Variants in HCN1 observed in about 807,000 individuals in gnomAD.
The protein encoded by HCN1 is potassium/sodium hyperpolarization-activated cyclic nucleotide-gated channel 1.
HCN1 carries 13 observed loss-of-function variants against 78.9 expected under a neutral mutation model. The ratio of observed to expected loss-of-function variants is 0.16; its 90% confidence interval spans 0.11 to 0.26. HCN1 has a LOEUF of 0.26. HCN1 is among the 10% of genes least tolerant of loss of function. The probability of loss-of-function intolerance (pLI) is 1.00; values close to 1 mark genes in which losing one functional copy is unlikely to be tolerated. For synonymous variants in HCN1, 552 were observed against 455.5 expected (o/e 1.21, Z -2.70); for missense variants, 810 against 1,154.3 (o/e 0.70, Z 4.32).
In HCN1 at chr5:45,258,581, C is replaced by G. The variant is rs1020430800; in HGVS notation, c.*3340G>C. 2.0e-5 allele frequency: 3 copies of G among 152,000 alleles called. No homozygotes were observed. Among genetic ancestry groups the G allele is most frequent in the African/African-American group, 7.2e-5 (3 of 41,418 alleles). The allele number at this position is 152,000 out of a possible 1,614,324, so 9.4% of individuals were successfully genotyped here. Reference sequence around the variant, plus strand: ...TCATTATGATAAACTCTATCTCAGGCTTTTAGGTATCATTTAAAACCCACT... The same window carrying G: ...TCATTATGATAAACTCTATCTCAGGGTTTTAGGTATCATTTAAAACCCACT... On this transcript the variant is annotated 3_prime_UTR_variant, in exon 8 of 8. Transcript: ENST00000303230.
intron 5 of HCN1, among the ~76,000 whole-genome samples, chr5:45,333,640 T>C (rs868860404): frequency 5.8e-4 from 88 of 151,934 alleles, no homozygotes; most frequent in Middle Eastern, 3.4e-3. Flanking sequence ...AAGCCTATAA[T>C]ACATTTTGAT....
intron 5 of HCN1, among the ~76,000 whole-genome samples, chr5:45,352,563 G>T (rs1746930935): frequency 6.6e-6 from 1 of 151,818 alleles, no homozygotes; most frequent in Non-Finnish European, 1.5e-5. Context: ...ATAACCAAGA[G>T]CAAGTTATTT....
chr5:45,314,787 T>G (rs1453411585), intron 5 of HCN1, among the ~76,000 whole-genome samples: 1 of 152,068 alleles, frequency 6.6e-6, no homozygotes, highest in East Asian at 1.9e-4. Context: ...AAACAGACTT[T>G]AAACCAACAA....
At chr5:45,456,951 C>T (rs1466081672) in intron 3 of HCN1, among the ~76,000 whole-genome samples, 1 of 152,002 alleles carries the variant, frequency 6.6e-6, no homozygotes, top group Non-Finnish European at 1.5e-5. Flanking sequence ...CATGACACAA[C>T]CTGCTCCAAC....
At chr5:45,330,550 C>T (rs530682398) in intron 5 of HCN1, among the ~76,000 whole-genome samples, 3 of 150,238 alleles carry the variant, frequency 2.0e-5, no homozygotes, top group African/African-American at 7.3e-5. Flanking sequence ...AATCATCTTG[C>T]CATTCCTAGA....
chr5:45,467,867 C>G (rs1004136096), intron 2 of HCN1, among the ~76,000 whole-genome samples: 1 of 152,118 alleles, frequency 6.6e-6, no homozygotes, highest in Non-Finnish European at 1.5e-5. Context: ...ATCTTCACTT[C>G]CTAGGTATTT....
intron 1 of HCN1, among the ~76,000 whole-genome samples, chr5:45,686,123 AT>A (rs386358074): frequency 3.3e-5 from 5 of 150,806 alleles, no homozygotes; most frequent in East Asian, 1.9e-4. Flanking sequence ...ATATATATAT[AT>A]TTTTTTCTAT....
At chr5:45,668,936 A>G (rs1534391) in intron 1 of HCN1, among the ~76,000 whole-genome samples, 14,331 of 151,828 alleles carry the variant, frequency 0.094, 901 homozygotes, top group East Asian at 0.27. Flanking sequence ...TGGGGGAAAA[A>G]CCACTTAAGA....
At chr5:45,288,292 T>C (rs1337072485) in intron 6 of HCN1, among the ~76,000 whole-genome samples, 1 of 152,072 alleles carries the variant, frequency 6.6e-6, no homozygotes, top group Non-Finnish European at 1.5e-5. Context: ...GTGCTTGGCC[T>C]TGAAAACACT....
At chr5:45,290,503 A>G (rs1237308531) in intron 6 of HCN1, among the ~76,000 whole-genome samples, 1 of 152,098 alleles carries the variant, frequency 6.6e-6, no homozygotes, top group Non-Finnish European at 1.5e-5. Flanking sequence ...GTTTACATTT[A>G]TGACTTCTGT....
rs181280023 is a variant in HCN1 at position 45,648,072 on chromosome 5, C to G, written c.426-2464G>C. Among the ~76,000 whole-genome samples the G allele has an allele frequency of 8.7e-4, 132 of 152,208 alleles. 1 individual carries two copies. Among genetic ancestry groups the G allele is most frequent in the African/African-American group, 2.8e-3 (116 of 41,550 alleles). On this transcript the variant is annotated intron_variant, in intron 1 of 7. Transcript: ENST00000303230. ...ACAGGGTTTTATGGATTAAACGAGA[C>G]GATATATGCTAATCCCAGGGCCTGG...
At chr5:45,384,606 C>T (rs2112028825) in intron 4 of HCN1, among the ~76,000 whole-genome samples, 1 of 152,150 alleles carries the variant, frequency 6.6e-6, no homozygotes, top group South Asian at 2.1e-4. Flanking sequence ...AATGTTTGAT[C>T]TTTCTCAAAT....
chr5:45,514,398 A>T (rs1335832832), intron 2 of HCN1, among the ~76,000 whole-genome samples: 2 of 152,088 alleles, frequency 1.3e-5, no homozygotes, highest in Admixed American at 1.3e-4. Context: ...TAATCCCACA[A>T]TCTGGCTGTA....
intron 2 of HCN1, chr5:45,574,589 A>G (rs1330554623): frequency 6.6e-6 from 1 of 152,160 alleles, no homozygotes; most frequent in Non-Finnish European, 1.5e-5. Context: ...TGTTCAAGTG[A>G]AAGAGTCACA....
intron 2 of HCN1, among the ~76,000 whole-genome samples, chr5:45,543,457 C>A (rs1196190792): frequency 6.6e-6 from 1 of 152,026 alleles, no homozygotes; most frequent in Non-Finnish European, 1.5e-5. Flanking sequence ...ATTTTATCTT[C>A]TTGCTAGGAT....
At chr5:45,337,300 T>C (rs1003591720) in intron 5 of HCN1, among the ~76,000 whole-genome samples, 9 of 152,252 alleles carry the variant, frequency 5.9e-5, no homozygotes, top group Middle Eastern at 6.8e-3. Flanking sequence ...ACAGTGCATA[T>C]ACCAAACATA....
intron 4 of HCN1, among the ~76,000 whole-genome samples, chr5:45,366,330 T>A (rs1747236565): frequency 6.6e-6 from 1 of 151,852 alleles, no homozygotes; most frequent in African/African-American, 2.4e-5. Context: ...TAAGTGATTT[T>A]TAAGAAATAA....
At chr5:45,655,632 A>G (rs913880697) in intron 1 of HCN1, among the ~76,000 whole-genome samples, 2 of 152,134 alleles carry the variant, frequency 1.3e-5, no homozygotes, top group African/African-American at 4.8e-5. Context: ...ATGATGCTAT[A>G]GGTATAGCTC....
chr5:45,494,481 T>A (rs1482842641), intron 2 of HCN1, among the ~76,000 whole-genome samples: 4 of 151,814 alleles, frequency 2.6e-5, no homozygotes, highest in Non-Finnish European at 4.4e-5. Flanking sequence ...TTTGAGTTCA[T>A]TGTAGATTCT....
Sources: allele counts gnomAD v4.1 joint callset (sites outside exome capture counted in the v4.1 genomes callset), GRCh38; gene constraint gnomAD v4.1.1; transcripts MANE v1.5; gene names NCBI Gene and HGNC (gene_info 2026-07-23, HGNC 2026-07-21).